Variants in HIVEP3 observed in about 807,000 individuals in gnomAD.
HIVEP3 encodes HIVEP zinc finger 3.
A neutral mutation model predicts 152.8 loss-of-function variants in HIVEP3; 49 were observed. That is an observed-to-expected ratio of 0.32 (90% CI 0.26 to 0.41). The LOEUF is 0.41. Among genes scored for constraint, HIVEP3 ranks in the 10% least tolerant of loss-of-function variants. HIVEP3 has a pLI of 1.00. For synonymous variants in HIVEP3, 1,269 were observed against 1,289.0 expected (o/e 0.98, Z 0.33); for missense variants, 2,790 against 3,103.3 (o/e 0.90, Z 2.40).
At chr1:41,993,149 G>A (rs1185121861) in intron 1 of HIVEP3, among the ~76,000 whole-genome samples, 2 of 150,650 alleles carry the variant, frequency 1.3e-5, no homozygotes, top group East Asian at 3.9e-4. Flanking sequence ...ATTGACAAAT[G>A]GGATCTAATT....
chr1:41,554,041 C>T (rs1379648201), intron 5 of HIVEP3, among the ~76,000 whole-genome samples: 1 of 152,070 alleles, frequency 6.6e-6, no homozygotes, highest in Admixed American at 6.6e-5. Context: ...GAATGTTGGC[C>T]CTGCCTTGCT....
chr1:41,718,366 C>T (rs2124163048), intron 1 of HIVEP3, among the ~76,000 whole-genome samples: 1 of 152,362 alleles, frequency 6.6e-6, no homozygotes, highest in African/African-American at 2.4e-5. Flanking sequence ...TCTCAGCTTC[C>T]TCATCTGTAA....
At chr1:41,599,065 C>T (rs1043434109) in intron 3 of HIVEP3, among the ~76,000 whole-genome samples, 3 of 152,126 alleles carry the variant, frequency 2.0e-5, no homozygotes, top group African/African-American at 2.4e-5. Context: ...GATCCACCCA[C>T]CTTGGCCTCC....
chr1:41,579,634 T>C, intron 4 of HIVEP3, 103 bp downstream of exon 4: 1 of 1,338,076 alleles, frequency 7.5e-7, no homozygotes, highest in Non-Finnish European at 1.0e-6. Flanking sequence ...ACTACTAGTC[T>C]GGCTCTAGTT....
At chr1:41,980,239 C>A (rs539060376) in intron 1 of HIVEP3, among the ~76,000 whole-genome samples, 1 of 152,140 alleles carries the variant, frequency 6.6e-6, no homozygotes, top group Admixed American at 6.5e-5. Flanking sequence ...AATATGTCCA[C>A]GTAAAGACTT....
rs550104558 is a variant in HIVEP3, at chr1:41,918,125, G to C, written c.-801+288C>G. 6.6e-6 allele frequency among the ~76,000 whole-genome samples: 1 copy of C among 151,460 alleles called. No individual in the cohort carries two copies. Among genetic ancestry groups the C allele is most frequent in the South Asian group, 2.1e-4 (1 of 4,818 alleles). ...TTACAGCCCCGCCGCCGCCGCCGCC[G>C]CCGCCGCCTGTGATTGACGCGCGGG... is the stretch of plus-strand genomic sequence containing the variant. On this transcript the variant is annotated intron_variant, in intron 1 of 8. Coordinates refer to ENST00000372583, the MANE Select transcript of HIVEP3 (RefSeq NM_024503.5). The surrounding 1 kb of genome is among the most constrained non-coding windows in gnomAD (Gnocchi z 4.3).
chr1:41,590,967 A>T (rs894785411), intron 3 of HIVEP3, among the ~76,000 whole-genome samples: 1 of 152,184 alleles, frequency 6.6e-6, no homozygotes, highest in Admixed American at 6.5e-5. Context: ...TAGTCTCCCC[A>T]TCTGTAAAAA....
chr1:41,647,491 A>G (rs1160351588), intron 2 of HIVEP3, among the ~76,000 whole-genome samples: 1 of 152,122 alleles, frequency 6.6e-6, no homozygotes, highest in African/African-American at 2.4e-5. Context: ...AAATAACCCC[A>G]CTGACATGGA....
intron 1 of HIVEP3, among the ~76,000 whole-genome samples, chr1:41,809,518 T>C (rs1332637532): frequency 2.6e-5 from 4 of 152,244 alleles, no homozygotes; most frequent in African/African-American, 9.6e-5. Flanking sequence ...CTGTCTTAGA[T>C]ATATGGTGAC....
At chr1:41,574,723 G>T (rs1341355671) in intron 5 of HIVEP3, among the ~76,000 whole-genome samples, 1 of 152,172 alleles carries the variant, frequency 6.6e-6, no homozygotes, top group Non-Finnish European at 1.5e-5. Context: ...GTCCTTCAGG[G>T]CTGTGCAGGA....
chr1:41,525,973 C>T (rs2149053347), intron 5 of HIVEP3, among the ~76,000 whole-genome samples: 1 of 148,956 alleles, frequency 6.7e-6, no homozygotes, highest in South Asian at 2.2e-4. Context: ...ACCTGTGGGG[C>T]GCACCTTCCA....
intron 1 of HIVEP3, among the ~76,000 whole-genome samples, chr1:41,994,429 A>T (rs1160314434): frequency 6.6e-6 from 1 of 152,164 alleles, no homozygotes; most frequent in Non-Finnish European, 1.5e-5. Context: ...TGTAATTCCC[A>T]ATGTTGGGAA....
At chr1:41,668,413 A>G (rs890085230) in intron 2 of HIVEP3, among the ~76,000 whole-genome samples, 6 of 152,210 alleles carry the variant, frequency 3.9e-5, no homozygotes, top group African/African-American at 1.2e-4. Context: ...GCCTCACCCC[A>G]TCCCTGCTCA....
intron 1 of HIVEP3, among the ~76,000 whole-genome samples, chr1:41,788,995 CT>C (rs1232329204): frequency 2.0e-5 from 3 of 152,344 alleles, no homozygotes; most frequent in Non-Finnish European, 2.9e-5. Flanking sequence ...ATCTCGCCCC[CT>C]GGCTCCTCGT....
intron 5 of HIVEP3, among the ~76,000 whole-genome samples, chr1:41,550,852 T>C (rs531655526): frequency 2.6e-5 from 4 of 152,338 alleles, no homozygotes; most frequent in African/African-American, 4.8e-5. Context: ...CTTTTTCTAA[T>C]TGAATACCCT....
intron 1 of HIVEP3, among the ~76,000 whole-genome samples, chr1:41,713,451 G>C (rs955256314): frequency 6.6e-6 from 1 of 152,286 alleles, no homozygotes; most frequent in Non-Finnish European, 1.5e-5. Context: ...GAGAATAATG[G>C]GGCATGTAGA....
At chr1:41,984,636 G>C (rs1364511373) in intron 1 of HIVEP3, among the ~76,000 whole-genome samples, 2 of 152,196 alleles carry the variant, frequency 1.3e-5, no homozygotes, top group Non-Finnish European at 2.9e-5. Context: ...CCCCATGGAG[G>C]ACACATGGCA....
intron 5 of HIVEP3, among the ~76,000 whole-genome samples, chr1:41,560,401 C>T (rs1409883350): frequency 6.6e-6 from 1 of 152,152 alleles, no homozygotes; most frequent in African/African-American, 2.4e-5. Context: ...CTGTGACTGG[C>T]AACGGGGTTG....
intron 1 of HIVEP3, among the ~76,000 whole-genome samples, chr1:41,986,424 T>C (rs1338514028): frequency 1.3e-5 from 2 of 151,268 alleles, no homozygotes; most frequent in Non-Finnish European, 2.9e-5. Context: ...ATTACACTTT[T>C]GTGTTGAATA....
Sources: gnomAD v4.1 joint callset for allele counts (sites outside exome capture counted in the v4.1 genomes callset) on GRCh38, gnomAD v4.1.1 for gene constraint, Gnocchi (gnomAD v3.1) non-coding constraint, MANE v1.5 for transcripts, NCBI Gene and HGNC (gene_info 2026-07-23, HGNC 2026-07-21) for gene names.